Variants in WIPF3 observed in about 807,000 individuals in gnomAD.
WIPF3 encodes the protein WAS/WASL-interacting protein family member 3.
In WIPF3, 33 loss-of-function variants were observed where a neutral mutation model predicts 38.9. That is an observed-to-expected ratio of 0.85 (90% CI 0.64 to 1.14). WIPF3 has a LOEUF of 1.14. Ranked by LOEUF, WIPF3 falls within the 50% of genes most tolerant of loss-of-function variation. WIPF3 has a pLI of 0.00. For missense variants in WIPF3, 711 were observed against 652.5 expected, an observed-to-expected ratio of 1.09 and a Z score of -0.98; for synonymous variants, 324 against 269.3, an observed-to-expected ratio of 1.20 and a Z score of -1.99.
Position 29,889,344 on chromosome 7 carries a change from G to A in WIPF3, c.1288G>A (p.Asp430Asn), listed in dbSNP as rs375486622. 11 of 1,613,844 alleles carry A rather than the reference G, an allele frequency of 6.8e-6. No individual in the cohort carries two copies. In the Admixed American group the frequency reaches 1.2e-4, roughly 17 times the overall value. The change falls in exon 7 of 9, where the codon GAC (aspartate) becomes AAC (asparagine). Residue 430 changes from aspartate to asparagine, a missense_variant. By Grantham distance (23) the Asp-to-Asn change is conservative. Coordinates refer to ENST00000242140, the MANE Select transcript of WIPF3 (RefSeq NM_001080529.3). Reference sequence around the variant, plus strand: ...TAAATTCACGTTCCATTCTGTGGAAGACTTTCCCCCTCCGGATGAATATAA... The same window carrying A: ...TAAATTCACGTTCCATTCTGTGGAAAACTTTCCCCCTCCGGATGAATATAA... ...ESKFTFHSVE[D>N]FPPPDEYKPC...
chr7:29,837,669 T>C (rs2128066020), intron 2 of WIPF3, among the ~76,000 whole-genome samples: 1 of 152,314 alleles, frequency 6.6e-6, no homozygotes, highest in African/African-American at 2.4e-5. Context: ...TCTACATTTA[T>C]GTAGAAAAAT....
chr7:29,854,448 T>C (rs1035071694), intron 2 of WIPF3, among the ~76,000 whole-genome samples: 1 of 152,204 alleles, frequency 6.6e-6, no homozygotes, highest in African/African-American at 2.4e-5. Flanking sequence ...AATGTTTTAT[T>C]ATGGATAGCA....
intron 2 of WIPF3, among the ~76,000 whole-genome samples, chr7:29,852,065 A>G (rs180863605): frequency 4.6e-5 from 7 of 152,264 alleles, no homozygotes; most frequent in Admixed American, 1.3e-4. Context: ...ACAGTGGTAC[A>G]ATCATGGCTC....
chr7:29,819,105 G>A (rs1784499543), intron 1 of WIPF3, among the ~76,000 whole-genome samples: 1 of 151,702 alleles, frequency 6.6e-6, no homozygotes, highest in Non-Finnish European at 1.5e-5. Flanking sequence ...GGATCTGACT[G>A]CTAAGTGGTA....
chr7:29,845,224 G>C (rs937593286), intron 2 of WIPF3, among the ~76,000 whole-genome samples: 2 of 152,216 alleles, frequency 1.3e-5, no homozygotes, highest in African/African-American at 2.4e-5. Context: ...ACTCGGTTTT[G>C]TTTTGTCTTC....
chr7:29,882,364 T>C (rs1450656806), intron 4 of WIPF3, among the ~76,000 whole-genome samples: 1 of 152,234 alleles, frequency 6.6e-6, no homozygotes, highest in Admixed American at 6.5e-5. Flanking sequence ...CTTTTTGTAT[T>C]ATATGGAAAA....
chr7:29,885,167 T>C (rs1785847503), intron 5 of WIPF3, among the ~76,000 whole-genome samples: 1 of 152,230 alleles, frequency 6.6e-6, no homozygotes, highest in South Asian at 2.1e-4. Flanking sequence ...ACTGAGGGCC[T>C]GTATTTTGAG....
At chr7:29,885,461 A>G (rs371741759) in intron 5 of WIPF3, among the ~76,000 whole-genome samples, 1 of 152,210 alleles carries the variant, frequency 6.6e-6, no homozygotes. Flanking sequence ...AAAGCTTCTT[A>G]AAAGTATTTT....
intron 2 of WIPF3, among the ~76,000 whole-genome samples, chr7:29,855,905 A>G (rs995388035): frequency 3.9e-5 from 6 of 152,262 alleles, no homozygotes; most frequent in African/African-American, 1.4e-4. Flanking sequence ...TTGTTTTAGT[A>G]TAAGTGTGTA....
Position 29,889,342 on chromosome 7 carries a change from A to G in WIPF3, c.1286A>G (p.Glu429Gly). The change falls in exon 7 of 9, where the codon GAA becomes GGA. Residue 429 changes from glutamate (E) to glycine (G), a missense_variant. Coordinates refer to ENST00000242140, the MANE Select transcript of WIPF3 (RefSeq NM_001080529.3). The stretch of plus-strand genomic sequence containing the variant: ...TCTAAATTCACGTTCCATTCTGTGG[A>G]AGACTTTCCCCCTCCGGATGAATAT... Reference protein sequence around the residue: ...FESKFTFHSVEDFPPPDEYKP... With the variant: ...FESKFTFHSVGDFPPPDEYKP... 1 of 1,613,970 alleles carries G rather than the reference A, an allele frequency of 6.2e-7. No individual in the cohort carries two copies. Among genetic ancestry groups the G allele is most frequent in the South Asian group, 1.1e-5 (1 of 91,074 alleles).
chr7:29,911,901 G>T (rs1786511776), intron 8 of WIPF3, among the ~76,000 whole-genome samples: 1 of 152,054 alleles, frequency 6.6e-6, no homozygotes, highest in South Asian at 2.1e-4. Flanking sequence ...GACACTAAAG[G>T]CATAGGCAAC....
At chr7:29,897,064 C>T (rs1786159850) in intron 7 of WIPF3, among the ~76,000 whole-genome samples, 1 of 152,210 alleles carries the variant, frequency 6.6e-6, no homozygotes, top group South Asian at 2.1e-4. Flanking sequence ...CTAGGTACCT[C>T]ATGTAAGTGG....
At chr7:29,813,126 C>G (rs1784405446) in intron 1 of WIPF3, among the ~76,000 whole-genome samples, 1 of 152,222 alleles carries the variant, frequency 6.6e-6, no homozygotes, top group Non-Finnish European at 1.5e-5. Context: ...TCACCCCAGG[C>G]TCTTTCTTCT....
chr7:29,853,927 C>G (rs1274211357), intron 2 of WIPF3, among the ~76,000 whole-genome samples: 1 of 152,194 alleles, frequency 6.6e-6, no homozygotes, highest in East Asian at 1.9e-4. Flanking sequence ...ACCGGTAAAA[C>G]AAAAGCTCAC....
chr7:29,872,218 T>G (rs2128072697), intron 2 of WIPF3, among the ~76,000 whole-genome samples: 1 of 152,324 alleles, frequency 6.6e-6, no homozygotes, highest in East Asian at 1.9e-4. Context: ...TTGAAAATCC[T>G]TTCTTTCCTG....
At chr7:29,890,724 G>T (rs956033732) in intron 7 of WIPF3, among the ~76,000 whole-genome samples, 5 of 150,874 alleles carry the variant, frequency 3.3e-5, no homozygotes, top group Admixed American at 3.3e-4. Context: ...CTCAGGTGGA[G>T]GGAACCCAGG....
chr7:29,876,383 T>C (rs1169113749), intron 3 of WIPF3, among the ~76,000 whole-genome samples: 1 of 152,210 alleles, frequency 6.6e-6, no homozygotes, highest in Non-Finnish European at 1.5e-5. Flanking sequence ...CATTAGTAAG[T>C]CATTCCCCAT....
chr7:29,887,295 T>A (rs1032626354), intron 5 of WIPF3, among the ~76,000 whole-genome samples: 5 of 152,224 alleles, frequency 3.3e-5, no homozygotes, highest in African/African-American at 1.2e-4. Context: ...GCACAGATAG[T>A]AATAATGTAA....
intron 1 of WIPF3, among the ~76,000 whole-genome samples, chr7:29,824,042 C>T (rs190384307): frequency 1.4e-4 from 21 of 152,300 alleles, no homozygotes; most frequent in Admixed American, 7.8e-4. Context: ...ATTTGGCATT[C>T]GGCATTACTT....
Sources: gnomAD v4.1 joint callset for allele counts (sites outside exome capture counted in the v4.1 genomes callset) on GRCh38, gnomAD v4.1.1 for gene constraint, MANE v1.5 for transcripts, NCBI Gene and HGNC (gene_info 2026-07-23, HGNC 2026-07-21) for gene names.